The following ADGRL3 variants were observed in gnomAD, a reference collection of about 807,000 sequenced individuals.
ADGRL3 encodes calcium-independent alpha-latrotoxin receptor 3.
ADGRL3 carries 62 observed loss-of-function variants against 153.5 expected under a neutral mutation model. That is an observed-to-expected ratio of 0.40 (90% confidence interval 0.33 to 0.50). ADGRL3 has a LOEUF of 0.50. Among genes scored for constraint, ADGRL3 ranks in the 20% least tolerant of loss-of-function variants. The pLI is 0.47. For missense variants in ADGRL3, 1,641 were observed against 1,859.4 expected, an observed-to-expected ratio of 0.88 and a Z score of 2.16; for synonymous variants, 710 against 672.5, an observed-to-expected ratio of 1.06 and a Z score of -0.86.
At chr4:61,916,143 T>C (rs1193885306) in intron 13 of ADGRL3, among the ~76,000 whole-genome samples, 3 of 152,186 alleles carry the variant, frequency 2.0e-5, no homozygotes, top group African/African-American at 7.2e-5. Flanking sequence ...AACTGACCTG[T>C]AGTTGTACAA....
chr4:61,517,566 C>T (rs1243731155), intron 4 of ADGRL3, 48 bp downstream of exon 4: 3 of 694,360 alleles, frequency 4.3e-6, no homozygotes, highest in Non-Finnish European at 7.9e-6. Context: ...TGGGCAGGGG[C>T]TCCTGAGAGG....
chr4:61,976,067 C>T (rs2099046890), intron 17 of ADGRL3, among the ~76,000 whole-genome samples: 1 of 152,034 alleles, frequency 6.6e-6, no homozygotes, highest in African/African-American at 2.4e-5. Context: ...TCATTCAAAA[C>T]CAAATATTTT....
chr4:61,845,953 G>A (rs1312985248), intron 9 of ADGRL3, among the ~76,000 whole-genome samples: 1 of 151,970 alleles, frequency 6.6e-6, no homozygotes, highest in Non-Finnish European at 1.5e-5. Flanking sequence ...ACCATTTATT[G>A]GCATAACATT....
intron 17 of ADGRL3, among the ~76,000 whole-genome samples, chr4:61,967,908 G>A (rs1026704160): frequency 2.6e-5 from 4 of 152,178 alleles, no homozygotes; most frequent in African/African-American, 9.7e-5. Context: ...AGGCTAGGAA[G>A]TCCAAGAGCA....
chr4:61,322,963 G>A (rs2095391325), intron 1 of ADGRL3, among the ~76,000 whole-genome samples: 1 of 152,204 alleles, frequency 6.6e-6, no homozygotes, highest in Non-Finnish European at 1.5e-5. Context: ...TCTACATGAG[G>A]ACCCTGCCCC....
intron 17 of ADGRL3, among the ~76,000 whole-genome samples, chr4:61,953,154 A>G (rs1277243413): frequency 6.6e-6 from 1 of 152,240 alleles, no homozygotes; most frequent in African/African-American, 2.4e-5. Flanking sequence ...TTTCAAACAG[A>G]ACATTAATTT....
chr4:61,616,161 T>A (rs1015282102), intron 5 of ADGRL3, among the ~76,000 whole-genome samples: 1 of 152,114 alleles, frequency 6.6e-6, no homozygotes, highest in Non-Finnish European at 1.5e-5. Context: ...AATAAGTTAT[T>A]TGATAGAAAT....
chr4:61,903,649 G>T (rs1230618099), intron 11 of ADGRL3, among the ~76,000 whole-genome samples: 2 of 15,766 alleles, frequency 1.3e-4, no homozygotes, highest in African/African-American at 4.1e-4. Context: ...TTGGGAAACA[G>T]CAAAAAAAAA....
intron 2 of ADGRL3, among the ~76,000 whole-genome samples, chr4:61,448,714 A>G (rs2097622057): frequency 3.5e-4 from 7 of 19,920 alleles, no homozygotes; most frequent in African/African-American, 5.2e-4. Flanking sequence ...GAAAGAAAGA[A>G]GGAAGGAAGG....
intron 5 of ADGRL3, among the ~76,000 whole-genome samples, chr4:61,645,666 G>A (rs2093942469): frequency 1.3e-5 from 2 of 152,246 alleles, no homozygotes; most frequent in South Asian, 4.2e-4. Context: ...CTGTTAGTCT[G>A]ATGGGCTTCC....
intron 9 of ADGRL3, among the ~76,000 whole-genome samples, chr4:61,885,574 A>G (rs1285545322): frequency 6.6e-6 from 1 of 152,202 alleles, no homozygotes; most frequent in Non-Finnish European, 1.5e-5. Context: ...AGTGCTCAGT[A>G]AGTTCCCAGC....
Position 61,857,006 on chromosome 4 carries a change from T to TTCTTTC in ADGRL3, c.1481-35648_1481-35643dup, listed in dbSNP as rs1554048324. On this transcript the variant is annotated intron_variant, in intron 9 of 26. Coordinates refer to ENST00000683033, the MANE Select transcript of ADGRL3 (RefSeq NM_001387552.1). Reference sequence around the variant, plus strand: ...TTTCTTTCTTTCTTTCTTTCTTTCTTTCTTTCTTTCCTTCCTCCCTTCCTT... The same window carrying TTCTTTC: ...TTTCTTTCTTTCTTTCTTTCTTTCTTTCTTTCTCTTTCTTTCCTTCCTCCCTTCCTT... Among the ~76,000 whole-genome samples the TTCTTTC allele has an allele frequency of 9.8e-4, 111 of 112,720 alleles. 1 individual carries two copies. The highest frequency in any genetic ancestry group is 2.9e-3 in the African/African-American group (83 of 28,646). 73.9% of individuals were successfully genotyped at this position (112,720 alleles called of 152,430 possible). A position where few individuals can be genotyped will look rare whatever the true frequency, so the allele number is the denominator to read the frequency against.
chr4:61,296,236 CTT>C (rs2094407576), intron 1 of ADGRL3, among the ~76,000 whole-genome samples: 1 of 152,098 alleles, frequency 6.6e-6, no homozygotes, highest in Non-Finnish European at 1.5e-5. Context: ...ATGAGGGAGA[CTT>C]GTGTCGGAGT....
At chr4:61,474,393 T>G (rs2098015725) in intron 2 of ADGRL3, among the ~76,000 whole-genome samples, 1 of 152,106 alleles carries the variant, frequency 6.6e-6, no homozygotes, top group South Asian at 2.1e-4. Context: ...GACCTAAAAG[T>G]TAAGGACAAG....
chr4:62,042,404 C>A (rs1372837089), intron 24 of ADGRL3, among the ~76,000 whole-genome samples: 1 of 150,782 alleles, frequency 6.6e-6, no homozygotes, highest in East Asian at 1.9e-4. Flanking sequence ...GGGTGTTATA[C>A]CTTCAGAAAA....
intron 1 of ADGRL3, among the ~76,000 whole-genome samples, chr4:61,339,180 A>G (rs555573615): frequency 6.6e-6 from 1 of 152,312 alleles, no homozygotes; most frequent in East Asian, 1.9e-4. Flanking sequence ...CTATTAAATG[A>G]TTATAAGAGT....
intron 2 of ADGRL3, among the ~76,000 whole-genome samples, chr4:61,390,886 G>A (rs1042877953): frequency 3.3e-5 from 5 of 152,156 alleles, no homozygotes; most frequent in East Asian, 1.9e-4. Flanking sequence ...CCTATGTATC[G>A]TACAATGTGT....
chr4:61,706,425 C>CA lies in ADGRL3; in HGVS notation c.584-24181dup, dbSNP rs56955396. Reference sequence around the variant, plus strand: ...TGGGTGACAGAGTGAGACTCCCTCTCAAAAAAAAAAAAAAAAGGCTGTTCT... The same window carrying CA: ...TGGGTGACAGAGTGAGACTCCCTCTCAAAAAAAAAAAAAAAAAGGCTGTTCT... On this transcript the variant is annotated intron_variant, in intron 6 of 26. Coordinates refer to ENST00000683033, the MANE Select transcript of ADGRL3 (RefSeq NM_001387552.1). Among the ~76,000 whole-genome samples, 599 of 130,018 alleles carry CA rather than the reference C, an allele frequency of 4.6e-3. 6 individuals carry two copies. The highest frequency in any genetic ancestry group is 0.014 in the African/African-American group (491 of 35,438). 85.3% of individuals were successfully genotyped at this position (130,018 alleles called of 152,430 possible). A position where few individuals can be genotyped will look rare whatever the true frequency, so the allele number is the denominator to read the frequency against.
At chr4:62,059,028 A>G (rs1193134491) in intron 25 of ADGRL3, among the ~76,000 whole-genome samples, 1 of 152,212 alleles carries the variant, frequency 6.6e-6, no homozygotes, top group Admixed American at 6.5e-5. Flanking sequence ...AGGCATTGGC[A>G]GCAAGCTAGG....
Sources: allele counts gnomAD v4.1 joint callset (sites outside exome capture counted in the v4.1 genomes callset), GRCh38; gene constraint gnomAD v4.1.1; transcripts MANE v1.5; gene names NCBI Gene and HGNC (gene_info 2026-07-23, HGNC 2026-07-21).